The following WDR27 variants were observed in gnomAD, a reference collection of about 807,000 sequenced individuals.
WDR27 encodes the protein WD repeat domain 27.
In WDR27, 100 loss-of-function variants were observed where a neutral mutation model predicts 114.4. The ratio of observed to expected loss-of-function variants is 0.87; its 90% CI spans 0.74 to 1.03. WDR27 has a LOEUF of 1.03. Among genes scored for constraint, WDR27 ranks in the 50% least tolerant of loss-of-function variants. The pLI, the probability that WDR27 is intolerant of heterozygous loss-of-function variation, is 0.00. For missense variants in WDR27, 1,129 were observed against 1,092.9 expected (o/e 1.03, Z -0.47); for synonymous variants, 449 against 423.1 (o/e 1.06, Z -0.75).
At chr6:169,635,403 G>C (rs371499795) in intron 19 of WDR27, among the ~76,000 whole-genome samples, 1 of 152,290 alleles carries the variant, frequency 6.6e-6, no homozygotes, top group African/African-American at 2.4e-5. Flanking sequence ...CTTTAGGACT[G>C]AAAGTCCCAG....
chr6:169,543,746 A>G (rs1290047456), intron 25 of WDR27, among the ~76,000 whole-genome samples: 1 of 152,210 alleles, frequency 6.6e-6, no homozygotes, highest in Non-Finnish European at 1.5e-5. Flanking sequence ...ACTTCAAAAC[A>G]TGATGAGTAT....
intron 21 of WDR27, among the ~76,000 whole-genome samples, chr6:169,617,837 T>C (rs1812228446): frequency 6.6e-6 from 1 of 152,246 alleles, no homozygotes; most frequent in Non-Finnish European, 1.5e-5. Context: ...ACTGCCAGTA[T>C]TCGCGTTTAC....
chr6:169,574,253 A>C (rs1235208446), intron 24 of WDR27, among the ~76,000 whole-genome samples: 1 of 152,238 alleles, frequency 6.6e-6, no homozygotes, highest in Non-Finnish European at 1.5e-5. Flanking sequence ...GCATTGTTAG[A>C]ATAATTTTGT....
At chr6:169,452,679 G>A (rs926029505), downstream of WDR27, among the ~76,000 whole-genome samples, 4 of 152,244 alleles carry the variant, frequency 2.6e-5, no homozygotes, top group African/African-American at 9.6e-5. Context: ...ACAAAGCCAG[G>A]GCTGGAGAGG....
chr6:169,592,351 G>A (rs1311764875), intron 23 of WDR27, among the ~76,000 whole-genome samples: 2 of 152,066 alleles, frequency 1.3e-5, no homozygotes, highest in African/African-American at 2.4e-5. Context: ...AGGATTTTGC[G>A]TTTGTCCAGG....
chr6:169,571,260 T>G (rs1465347809), intron 25 of WDR27, among the ~76,000 whole-genome samples: 2 of 141,080 alleles, frequency 1.4e-5, no homozygotes, highest in Non-Finnish European at 3.1e-5. Flanking sequence ...AGAAAAAAAT[T>G]AAAAAAAAAA....
chr6:169,463,994 T>C (rs944067608), intron 25 of WDR27, among the ~76,000 whole-genome samples: 3 of 152,200 alleles, frequency 2.0e-5, no homozygotes, highest in East Asian at 3.8e-4. Context: ...ATGATCCCTA[T>C]CAAAATCCCA....
chr6:169,598,739 G>A (rs956344686), intron 23 of WDR27, among the ~76,000 whole-genome samples: 13 of 152,322 alleles, frequency 8.5e-5, no homozygotes, highest in African/African-American at 2.6e-4. Flanking sequence ...CCAGGGAAGC[G>A]TGAGGGGTTC....
the WDR27 span, among the ~76,000 whole-genome samples, chr6:169,428,608 A>AGGGGGGGGTGGGGGGGGGGGGGGGGGGG: frequency 8.7e-6 from 1 of 114,468 alleles, no homozygotes; most frequent in African/African-American, 3.6e-5. Context: ...GGCGGGGGGG[A>AGGGGGGGGTGGGGGGGGGGGGGGGGGGG]GGGGGGGGTT....
At chr6:169,487,735 G>A (rs907767440) in intron 25 of WDR27, among the ~76,000 whole-genome samples, 2 of 152,114 alleles carry the variant, frequency 1.3e-5, no homozygotes, top group African/African-American at 4.8e-5. Context: ...AAATGTAAAT[G>A]AATCACCAAA....
intron 25 of WDR27, among the ~76,000 whole-genome samples, chr6:169,564,167 T>C (rs150350739): frequency 2.1e-3 from 323 of 152,054 alleles, no homozygotes; most frequent in African/African-American, 7.2e-3. Context: ...GGTCCAAGAG[T>C]CCAAAAGCTG....
chr6:169,668,358 C>T (rs1828474161), intron 4 of WDR27, among the ~76,000 whole-genome samples, 173 bp from the exon 5 acceptor site: 1 of 152,156 alleles, frequency 6.6e-6, no homozygotes, highest in Admixed American at 6.5e-5. Flanking sequence ...AATTAGGAAG[C>T]TGGCGTCTCC....
intron 24 of WDR27, among the ~76,000 whole-genome samples, chr6:169,581,552 A>G (rs1465731301): frequency 6.6e-6 from 1 of 152,188 alleles, no homozygotes; most frequent in Non-Finnish European, 1.5e-5. Context: ...AAGCATCATC[A>G]GGACGTATGT....
intron 16 of WDR27, among the ~76,000 whole-genome samples, chr6:169,645,479 G>A (rs939121982): frequency 4.6e-5 from 7 of 151,380 alleles, no homozygotes; most frequent in Non-Finnish European, 1.0e-4. Context: ...TAGTTCGTAT[G>A]AGTCTCACTG....
intron 25 of WDR27, among the ~76,000 whole-genome samples, chr6:169,502,093 C>T (rs778479217): frequency 3.7e-4 from 56 of 152,194 alleles, no homozygotes; most frequent in Admixed American, 7.9e-4. Context: ...GCAGCCGCCC[C>T]GGGGCTGCGG....
intron 21 of WDR27, among the ~76,000 whole-genome samples, chr6:169,620,791 A>G (rs1812934118): frequency 6.6e-6 from 1 of 152,126 alleles, no homozygotes; most frequent in Non-Finnish European, 1.5e-5. Flanking sequence ...TTGATTTAAC[A>G]AGGGGCTCGA....
chr6:169,655,601 A>G (rs1823919304), intron 13 of WDR27, among the ~76,000 whole-genome samples: 1 of 152,210 alleles, frequency 6.6e-6, no homozygotes, highest in Admixed American at 6.5e-5. Flanking sequence ...CAGATTAGAC[A>G]TATGAGAAGA....
chr6:169,594,830 T>C (rs2128159809), intron 23 of WDR27, among the ~76,000 whole-genome samples: 2 of 152,370 alleles, frequency 1.3e-5, no homozygotes, highest in South Asian at 4.1e-4. Context: ...GACTCAGATT[T>C]TTTTCCTCAT....
At chr6:169,482,107 G>A (rs1204069660) in intron 25 of WDR27, among the ~76,000 whole-genome samples, 1 of 152,206 alleles carries the variant, frequency 6.6e-6, no homozygotes, top group Non-Finnish European at 1.5e-5. Flanking sequence ...CTTGACCCAT[G>A]TCCCTGCAAA....
Sources: allele counts gnomAD v4.1 joint callset (sites outside exome capture counted in the v4.1 genomes callset), GRCh38; gene constraint gnomAD v4.1.1; transcripts MANE v1.5; gene names NCBI Gene and HGNC (gene_info 2026-07-23, HGNC 2026-07-21).